The following ZIC2 variants were observed in gnomAD, a reference collection of about 807,000 sequenced individuals.
The protein encoded by ZIC2 is zinc finger protein ZIC 2.
Under a neutral mutation model 29.5 loss-of-function variants are expected in ZIC2, and 7 were observed. That is an observed-to-expected ratio of 0.24 (90% CI 0.14 to 0.45). The LOEUF (loss-of-function observed/expected upper bound fraction) is 0.45, where lower values mean the gene tolerates loss of function less well. ZIC2 is among the 20% of genes least tolerant of loss of function. The pLI is 1.00. For missense variants in ZIC2, 589 were observed against 781.2 expected, an observed-to-expected ratio of 0.75 and a Z score of 2.93; for synonymous variants, 408 against 354.2, an observed-to-expected ratio of 1.15 and a Z score of -1.70.
chr13:99,985,688 C>A lies in ZIC2; in HGVS notation c.*6C>A. 1 of 1,342,248 alleles carries A rather than the reference C, an allele frequency of 7.5e-7. No individual in the cohort carries two copies. The highest frequency in any genetic ancestry group is 2.2e-5 in the Admixed American group (1 of 45,562). 83.1% of individuals were successfully genotyped at this position (1,342,248 alleles called of 1,614,324 possible). On this transcript the variant is annotated 3_prime_UTR_variant, in exon 3 of 3. Transcript: ENST00000376335. This position sits in a 1 kb window ranked among gnomAD's most constrained non-coding sequence, Gnocchi z 6.3. Reference sequence around the variant, plus strand: ...TCAATGAATGGTACGTGTGACGGGTCGGGGCCTCTCTCCCTCTCCCTGTCC... The same window carrying A: ...TCAATGAATGGTACGTGTGACGGGTAGGGGCCTCTCTCCCTCTCCCTGTCC...
At chr13:99,984,837 G>T (rs1169664351) in intron 1 of ZIC2, 109 bp from the exon 2 acceptor site, 2 of 1,413,360 alleles carry the variant, frequency 1.4e-6, no homozygotes, top group Non-Finnish European at 9.9e-7. Flanking sequence ...GAGGGACCCA[G>T]CCCCCTCAGG....
In ZIC2 at chr13:99,982,592, C is replaced by A. The variant is rs143055297; in HGVS notation, c.528C>A (p.Asn176Lys). ...HGPHGSQNVL[N>K]GQMRLGLPGE... Reference sequence around the variant, plus strand: ...CGCACGGCTCGCAGAATGTGCTCAACGGGCAGATGCGCCTCGGGCTGCCCG... The same window carrying A: ...CGCACGGCTCGCAGAATGTGCTCAAAGGGCAGATGCGCCTCGGGCTGCCCG... The change falls in exon 1 of 3, where the codon AAC becomes AAA. Residue 176 changes from asparagine (N) to lysine (K), a missense_variant. Physicochemically the swap from Asn to Lys is moderately conservative, Grantham distance 94. Coordinates refer to ENST00000376335, the MANE Select transcript of ZIC2 (RefSeq NM_007129.5). 1 of 1,575,650 alleles carries A rather than the reference C, an allele frequency of 6.3e-7. No homozygotes were observed. Among genetic ancestry groups the A allele is most frequent in the Non-Finnish European group, 8.6e-7 (1 of 1,167,540 alleles).
chr13:99,982,387 A>G lies in ZIC2; in HGVS notation c.323A>G (p.Tyr108Cys). The change falls in exon 1 of 3, where the codon TAC (tyrosine) becomes TGC (cysteine). Residue 108 changes from tyrosine to cysteine, a missense_variant. Around this residue, in one of 7 missense-constraint regions of ZIC2, gnomAD observed 358 missense variants for 382.0 expected, o/e 0.94. Transcript: ENST00000376335. ...LGPHAAHVGS[Y>C]SGPPFNSTRD... ...CCCCACGCCGCGCACGTTGGCTCCT[A>G]CTCTGGGCCGCCCTTCAACTCCACC... 6.8e-7 allele frequency: 1 copy of G among 1,478,898 alleles called. No individual in the cohort carries two copies. Among genetic ancestry groups the G allele is most frequent in the Non-Finnish European group, 8.9e-7 (1 of 1,118,016 alleles). 91.6% of individuals were successfully genotyped at this position (1,478,898 alleles called of 1,614,324 possible). A position where few individuals can be genotyped will look rare whatever the true frequency, so the allele number is the denominator to read the frequency against.
At position 99,981,854 on chromosome 13, in the gene ZIC2, G is replaced by A; in HGVS notation, c.-211G>A. 1.0e-6 allele frequency: 1 copy of A among 1,002,024 alleles called. No individual in the cohort carries two copies. Among genetic ancestry groups the A allele is most frequent in the Non-Finnish European group, 1.4e-6 (1 of 734,066 alleles). 62.1% of individuals were successfully genotyped at this position (1,002,024 alleles called of 1,614,324 possible). A position where few individuals can be genotyped will look rare whatever the true frequency, so the allele number is the denominator to read the frequency against. ...GCCTCCTCCTCCTCTTCCTCTCCGC[G>A]CCTTCGCTACGCGCCCGGCCGCCCG... On this transcript the variant is annotated 5_prime_UTR_variant, in exon 1 of 3. Transcript: ENST00000376335.
At position 99,983,966 on chromosome 13, in the gene ZIC2, C is replaced by A. The variant is rs1285850300; in HGVS notation, c.1075+827C>A. Among the ~76,000 whole-genome samples, 1 of 152,214 alleles carries A rather than the reference C, an allele frequency of 6.6e-6. No individual in the cohort carries two copies. Among genetic ancestry groups the A allele is most frequent in the Non-Finnish European group, 1.5e-5 (1 of 68,046 alleles). ...AGAAAGCCAAATGTTTTAGCAACTT[C>A]CCCCGTCAATATTTACTCCGAAGTG... On this transcript the variant is annotated intron_variant, in intron 1 of 2. Coordinates refer to ENST00000376335, the MANE Select transcript of ZIC2 (RefSeq NM_007129.5). The surrounding 1 kb of genome is among the most constrained non-coding windows in gnomAD (Gnocchi z 4.7).
In ZIC2 at chr13:99,985,724, G is replaced by T. The variant is rs1221424416; in HGVS notation, c.*42G>T. The T allele has an allele frequency of 8.3e-7, 1 of 1,205,614 alleles. No individual in the cohort carries two copies. Among genetic ancestry groups the T allele is most frequent in the Non-Finnish European group, 1.1e-6 (1 of 924,558 alleles). The allele number at this position is 1,205,614 out of a possible 1,614,324, so 74.7% of individuals were successfully genotyped here. A position where few individuals can be genotyped will look rare whatever the true frequency, so the allele number is the denominator to read the frequency against. On this transcript the variant is annotated 3_prime_UTR_variant, in exon 3 of 3. Transcript: ENST00000376335. This position sits in a 1 kb window ranked among gnomAD's most constrained non-coding sequence, Gnocchi z 6.3. ...TCCCTCTCCCTGTCCCCACCCCAGC[G>T]CAGCAGCCCTCCCCGCAGCTAGCAG...
At position 99,982,769 on chromosome 13, in the gene ZIC2, C is replaced by G; in HGVS notation, c.705C>G (p.His235Gln). The G allele has an allele frequency of 6.2e-7, 1 of 1,605,182 alleles. No homozygotes were observed. Among genetic ancestry groups the G allele is most frequent in the East Asian group, 2.2e-5 (1 of 44,852 alleles). ...CAGCCGCGGCCCACCACCACCACCA[C>G]CACCACCACCACCCCGGTGCCTTTT... ...MAAAAAHHHH[H>Q]HHHHPGAFFR... Residue 235 changes from histidine (H) to glutamine (Q), a missense_variant, in exon 1 of 3, where the codon CAC (histidine) becomes CAG (glutamine). Physicochemically the swap from His to Gln is conservative, Grantham distance 24 (BLOSUM62 0). Coordinates refer to ENST00000376335, the MANE Select transcript of ZIC2 (RefSeq NM_007129.5).
Position 99,985,976 on chromosome 13 carries a change from A to C in ZIC2, c.*294A>C, listed in dbSNP as rs1270162869. The C allele has an allele frequency of 4.6e-6, 2 of 430,918 alleles. No homozygotes were observed. Among genetic ancestry groups the C allele is most frequent in the Admixed American group, 5.6e-5 (2 of 35,998 alleles). The allele number at this position is 430,918 out of a possible 1,614,324, so 26.7% of individuals were successfully genotyped here. On this transcript the variant is annotated 3_prime_UTR_variant, in exon 3 of 3. Coordinates refer to ENST00000376335, the MANE Select transcript of ZIC2 (RefSeq NM_007129.5). This position sits in a 1 kb window ranked among gnomAD's most constrained non-coding sequence, Gnocchi z 6.3. ...AAATGTTGAACCAAACCTCCCTGCTAATCTCCATGCCCACGTTCTTTCCCA... is the reference window on the plus strand; with the variant it reads ...AAATGTTGAACCAAACCTCCCTGCTCATCTCCATGCCCACGTTCTTTCCCA...
At position 99,985,837 on chromosome 13, in the gene ZIC2, T is replaced by TA; in HGVS notation, c.*155_*156insA. 9.1e-6 allele frequency: 1 copy of TA among 110,076 alleles called. No individual in the cohort carries two copies. The highest frequency in any genetic ancestry group is 1.3e-5 in the Non-Finnish European group (1 of 79,442). 6.8% of individuals were successfully genotyped at this position (110,076 alleles called of 1,614,324 possible). On this transcript the variant is annotated 3_prime_UTR_variant, in exon 3 of 3. Coordinates refer to ENST00000376335, the MANE Select transcript of ZIC2 (RefSeq NM_007129.5). This position sits in a 1 kb window ranked among gnomAD's most constrained non-coding sequence, Gnocchi z 6.3. ...TTACCAGCAGAAGGATTTTTTAAAG[T>TA]TTTTTTTTTTTTTTTAATAATAATC...
At position 99,985,592 on chromosome 13, in the gene ZIC2, CGGCGGGGGCGGCGGCAGCTCT is replaced by C. The variant is rs2053263239; in HGVS notation, c.1519_1539del (p.Gly507_Gly513del). 3 of 250,242 alleles carry C rather than the reference CGGCGGGGGCGGCGGCAGCTCT, an allele frequency of 1.2e-5. No homozygotes were observed. The highest frequency in any genetic ancestry group is 2.0e-5 in the Non-Finnish European group (3 of 152,452). The allele number at this position is 250,242 out of a possible 1,614,324, so 15.5% of individuals were successfully genotyped here. ...GTGGCGGGGGCGGCGGCGGGGCGGG[CGGCGGGGGCGGCGGCAGCTCT>C]GGCGGGGGCAGCGGGACAGCCGGGG... On this transcript the variant is annotated inframe_deletion, in exon 3 of 3. Transcript: ENST00000376335. This position sits in a 1 kb window ranked among gnomAD's most constrained non-coding sequence, Gnocchi z 6.3.
rs1426565455 is a variant in ZIC2 at position 99,983,831 on chromosome 13, C to T, written c.1075+692C>T. ...TAGAGCCCCAGGCAGCGCGGCCCCG[C>T]GGGGGGATCGCGTGAGAAGAGAGAG... On this transcript the variant is annotated intron_variant, in intron 1 of 2. Coordinates refer to ENST00000376335, the MANE Select transcript of ZIC2 (RefSeq NM_007129.5). This position sits in a 1 kb window ranked among gnomAD's most constrained non-coding sequence, Gnocchi z 4.7. 1.3e-5 allele frequency among the ~76,000 whole-genome samples: 2 copies of T among 152,178 alleles called. No individual in the cohort carries two copies. The highest frequency in any genetic ancestry group is 4.8e-5 in the African/African-American group (2 of 41,456).
Position 99,985,562 on chromosome 13 carries a change from C to A in ZIC2, c.1479C>A (p.Ser493Arg). 1.0e-6 allele frequency: 1 copy of A among 985,984 alleles called. No individual in the cohort carries two copies. The highest frequency in any genetic ancestry group is 1.1e-4 in the East Asian group (1 of 9,088). 61.1% of individuals were successfully genotyped at this position (985,984 alleles called of 1,614,324 possible). A position where few individuals can be genotyped will look rare whatever the true frequency, so the allele number is the denominator to read the frequency against. ...GGAGGGSGGG[S>R]GSGGGGGGAG... is the part of the protein sequence containing the mutation. ...CGGGAGGCGGCTCAGGCGGCGGCAG[C>A]GGCAGTGGCGGGGGCGGCGGCGGGG... Residue 493 changes from serine to arginine, a missense_variant, in exon 3 of 3, where the codon AGC (serine) becomes AGA (arginine). Coordinates refer to ENST00000376335, the MANE Select transcript of ZIC2 (RefSeq NM_007129.5). The surrounding 1 kb of genome is among the most constrained non-coding windows in gnomAD (Gnocchi z 6.3).
chr13:99,984,099 C>T lies in ZIC2; in HGVS notation c.1076-847C>T, dbSNP rs115131920. Among the ~76,000 whole-genome samples, 652 of 152,348 alleles carry T rather than the reference C, an allele frequency of 4.3e-3. 6 individuals are homozygous for T. The highest frequency in any genetic ancestry group is 0.014 in the African/African-American group (577 of 41,578). Reference sequence around the variant, plus strand: ...TTGAGAAATTTATTTGCATGAAATGCTCGCTTTCGAGTCCTGTGTCTGAGC... The same window carrying T: ...TTGAGAAATTTATTTGCATGAAATGTTCGCTTTCGAGTCCTGTGTCTGAGC... On this transcript the variant is annotated intron_variant, in intron 1 of 2. Transcript: ENST00000376335.
rs747617842 is a variant in ZIC2, at chr13:99,981,802, ACCT to A, written c.-248_-246del. 696 of 538,030 alleles carry A rather than the reference ACCT, an allele frequency of 1.3e-3. No homozygotes were observed. Among genetic ancestry groups the A allele is most frequent in the Middle Eastern group, 1.9e-3 (3 of 1,584 alleles). The allele number at this position is 538,030 out of a possible 1,614,324, so 33.3% of individuals were successfully genotyped here. A position where few individuals can be genotyped will look rare whatever the true frequency, so the allele number is the denominator to read the frequency against. Reference sequence around the variant, plus strand: ...TGGCTTTGGACTCTTCTCCTCCTCCACCTCCTCCTCCTCCTCCCGCGCCGCCGC... The same window carrying A: ...TGGCTTTGGACTCTTCTCCTCCTCCACCTCCTCCTCCTCCCGCGCCGCCGC... On this transcript the variant is annotated 5_prime_UTR_variant, in exon 1 of 3. Coordinates refer to ENST00000376335, the MANE Select transcript of ZIC2 (RefSeq NM_007129.5).
Position 99,982,637 on chromosome 13 carries a change from G to A in ZIC2, c.573G>A (p.Ser191=). The A allele has an allele frequency of 6.3e-7, 1 of 1,597,170 alleles. No homozygotes were observed. Among genetic ancestry groups the A allele is most frequent in the South Asian group, 1.1e-5 (1 of 90,656 alleles). ...TGCCCGGCGAGGTGTTCGGGCGCTC[G>A]GAGCAATACCGCCAGGTGGCCAGCC... The part of the protein sequence containing the change: ...LGLPGEVFGR[S]EQYRQVASPR... The change falls in exon 1 of 3, where the codon TCG becomes TCA. Residue 191 remains serine (S), a synonymous_variant. Transcript: ENST00000376335.
rs1484538349 is a variant in ZIC2 at position 99,985,120 on chromosome 13, G to C, written c.1239+11G>C. 1.1e-5 allele frequency: 17 copies of C among 1,613,880 alleles called. No homozygotes were observed. The highest frequency in any genetic ancestry group is 1.4e-5 in the Non-Finnish European group (17 of 1,179,898). On this transcript the variant is annotated intron_variant, in intron 2 of 2. Transcript: ENST00000376335. The surrounding 1 kb of genome is among the most constrained non-coding windows in gnomAD (Gnocchi z 6.3). ...CGGAAGCACATGAAGGTACCACCGC[G>C]GCGGCCGGGAGGAGGGCGAGGCAGG...
chr13:99,986,635 A>G lies in ZIC2; in HGVS notation c.*953A>G, dbSNP rs1488109873. On this transcript the variant is annotated 3_prime_UTR_variant, in exon 3 of 3. Transcript: ENST00000376335. ...TATTTATAAAGAATGTTTCTTAACT[A>G]TAAATATGTACAATTGTGGGCATAA... is the stretch of plus-strand genomic sequence containing the variant. 6.5e-6 allele frequency: 1 copy of G among 152,902 alleles called. No homozygotes were observed. Among genetic ancestry groups the G allele is most frequent in the Admixed American group, 6.5e-5 (1 of 15,324 alleles). 9.5% of individuals were successfully genotyped at this position (152,902 alleles called of 1,614,324 possible). A position where few individuals can be genotyped will look rare whatever the true frequency, so the allele number is the denominator to read the frequency against.
rs2053245426 is a variant in ZIC2, at chr13:99,983,195, G to A, written c.1075+56G>A. The A allele has an allele frequency of 1.9e-6, 3 of 1,585,806 alleles. No homozygotes were observed. The highest frequency in any genetic ancestry group is 3.7e-5 in the Admixed American group (2 of 54,294). ...CGGAGGGGAGACACGCACAGGCTGA[G>A]ACTCAGGCTGTGGGTGCCGACGCTG... On this transcript the variant is annotated intron_variant, in intron 1 of 2. Coordinates refer to ENST00000376335, the MANE Select transcript of ZIC2 (RefSeq NM_007129.5). This position sits in a 1 kb window ranked among gnomAD's most constrained non-coding sequence, Gnocchi z 4.7.
Position 99,983,051 on chromosome 13 carries a change from C to A in ZIC2, c.987C>A (p.Gly329=). 1 of 1,614,130 alleles carries A rather than the reference C, an allele frequency of 6.2e-7. No homozygotes were observed. The highest frequency in any genetic ancestry group is 8.5e-7 in the Non-Finnish European group (1 of 1,180,018). The part of the protein sequence containing the change: ...KLVNHIRVHT[G]EKPFPCPFPG... ...TCAACCACATCCGCGTGCACACAGG[C>A]GAGAAACCCTTCCCCTGCCCCTTCC... Residue 329 remains glycine (G), a synonymous_variant, in exon 1 of 3, where the codon GGC becomes GGA. Transcript: ENST00000376335. This position sits in a 1 kb window ranked among gnomAD's most constrained non-coding sequence, Gnocchi z 4.7.
Sources: allele counts gnomAD v4.1 joint callset (sites outside exome capture counted in the v4.1 genomes callset), GRCh38; gene constraint gnomAD v4.1.1; regional missense constraint gnomAD v4.1.1; non-coding constraint Gnocchi (gnomAD v3.1); transcripts MANE v1.5; gene names NCBI Gene and HGNC (gene_info 2026-07-23, HGNC 2026-07-21).